Variants in PTCHD4 observed in about 807,000 individuals in gnomAD.
PTCHD4 encodes patched domain containing 4.
Under a neutral mutation model 58.1 loss-of-function variants are expected in PTCHD4, and 33 were observed. That is an observed-to-expected ratio of 0.57 (90% CI 0.43 to 0.76). The LOEUF is 0.76. Ranked by LOEUF, PTCHD4 falls within the 30% of genes least tolerant of loss-of-function variation. PTCHD4 has a pLI of 0.00. For synonymous variants in PTCHD4, 478 were observed against 409.6 expected, an observed-to-expected ratio of 1.17 and a Z score of -2.02; for missense variants, 1,058 against 1,027.1, an observed-to-expected ratio of 1.03 and a Z score of -0.41.
chr6:48,024,592 C>T (rs1763178335), intron 3 of PTCHD4, among the ~76,000 whole-genome samples: 1 of 151,936 alleles, frequency 6.6e-6, no homozygotes, highest in South Asian at 2.1e-4. Flanking sequence ...CAGAATTTAC[C>T]CTCCTTCACT....
Position 47,995,127 on chromosome 6 carries a change from G to T in PTCHD4, c.898+13507C>A, listed in dbSNP as rs185218733. 5.3e-5 allele frequency among the ~76,000 whole-genome samples: 8 copies of T among 152,216 alleles called. No homozygotes were observed. In the East Asian group the frequency reaches 1.5e-3, roughly 29 times the overall value. ...AAGTAAAATATTTATAATAAATAAA[G>T]AAAGGAGAAAGAATGTGTGGTAGTC... On this transcript the variant is annotated intron_variant, in intron 4 of 4. Transcript: ENST00000339488.
In PTCHD4 at chr6:47,860,148, T is replaced by C. The variant is rs143411547; in HGVS notation, c.*18155A>G. On this transcript the variant is annotated 3_prime_UTR_variant, in exon 5 of 5. Transcript: ENST00000339488. ...CCCTATACCCAGATTCTCTTAACTC[T>C]AAAGTATGAATCATGCAATCATTTC... Among the ~76,000 whole-genome samples the C allele has an allele frequency of 9.2e-5, 14 of 152,154 alleles. No homozygotes were observed. Among genetic ancestry groups the C allele is most frequent in the African/African-American group, 2.9e-4 (12 of 41,572 alleles).
At chr6:47,918,701 A>G (rs748112571) in intron 4 of PTCHD4, among the ~76,000 whole-genome samples, 5 of 152,168 alleles carry the variant, frequency 3.3e-5, no homozygotes, top group Non-Finnish European at 7.3e-5. Context: ...AATACTATGG[A>G]AGAGACTGTT....
At chr6:47,951,487 T>C (rs1766648772) in intron 4 of PTCHD4, among the ~76,000 whole-genome samples, 1 of 152,192 alleles carries the variant, frequency 6.6e-6, no homozygotes, top group African/African-American at 2.4e-5. Flanking sequence ...AATAAAAATA[T>C]ATCACTGCAG....
intron 4 of PTCHD4, among the ~76,000 whole-genome samples, chr6:47,937,236 C>CTG (rs1766035931): frequency 6.6e-6 from 1 of 152,132 alleles, no homozygotes; most frequent in South Asian, 2.1e-4. Flanking sequence ...CAATAATAAA[C>CTG]TGTAACAGGG....
At chr6:47,902,292 A>C (rs1239370186) in intron 4 of PTCHD4, among the ~76,000 whole-genome samples, 1 of 152,228 alleles carries the variant, frequency 6.6e-6, no homozygotes, top group African/African-American at 2.4e-5. Flanking sequence ...AGGGAGATTC[A>C]GATACATTCT....
intron 4 of PTCHD4, among the ~76,000 whole-genome samples, chr6:47,887,221 T>A (rs1368652876): frequency 6.7e-6 from 1 of 149,374 alleles, no homozygotes; most frequent in African/African-American, 2.4e-5. Context: ...TAATTTATAT[T>A]TAATATATTT....
rs745479640 is a variant in PTCHD4 at position 47,879,883 on chromosome 6, C to A, written c.952G>T (p.Glu318Ter). 1 of 1,590,310 alleles carries A rather than the reference C, an allele frequency of 6.3e-7. No homozygotes were observed. The highest frequency in any genetic ancestry group is 8.6e-7 in the Non-Finnish European group (1 of 1,167,630). ...ELLSGWRRTK[E>*]NLPFKDRIAD... ...ATCCTGTCTTTGAAGGGCAAGTTCT[C>A]TTTGGTTCTCCGCCATCCGGACAGA... is the stretch of plus-strand genomic sequence containing the variant. Residue 318 changes from glutamate (E) to a stop codon, truncating the protein, a stop_gained, in exon 5 of 5, where the codon GAG (glutamate) becomes TAG (stop). Coordinates refer to ENST00000339488, the MANE Select transcript of PTCHD4 (RefSeq NM_001384253.1). LOFTEE classifies it high-confidence loss of function.
chr6:47,979,178 G>A (rs1465000258), intron 4 of PTCHD4, among the ~76,000 whole-genome samples: 1 of 152,070 alleles, frequency 6.6e-6, no homozygotes, highest in Non-Finnish European at 1.5e-5. Flanking sequence ...GATGGTTGTG[G>A]GGATAGGGAT....
intron 4 of PTCHD4, among the ~76,000 whole-genome samples, chr6:47,888,037 C>G (rs916118031): frequency 1.3e-5 from 2 of 152,156 alleles, no homozygotes; most frequent in Non-Finnish European, 2.9e-5. Context: ...ATATTCCCAT[C>G]CCAGTACAGA....
At position 47,871,617 on chromosome 6, in the gene PTCHD4, C is replaced by T. The variant is rs1422992586; in HGVS notation, c.*6686G>A. Reference sequence around the variant, plus strand: ...ATAGGAGTGCTCATTTTACATTTTGCCTTGTCTAATTTGATAAAGTGAATG... The same window carrying T: ...ATAGGAGTGCTCATTTTACATTTTGTCTTGTCTAATTTGATAAAGTGAATG... On this transcript the variant is annotated 3_prime_UTR_variant, in exon 5 of 5. Coordinates refer to ENST00000339488, the MANE Select transcript of PTCHD4 (RefSeq NM_001384253.1). Among the ~76,000 whole-genome samples, 1 of 151,550 alleles carries T rather than the reference C, an allele frequency of 6.6e-6. No individual in the cohort carries two copies. The highest frequency in any genetic ancestry group is 2.4e-5 in the African/African-American group (1 of 41,332).
intron 1 of PTCHD4, among the ~76,000 whole-genome samples, chr6:48,087,625 T>C (rs1462582248): frequency 6.6e-6 from 1 of 152,208 alleles, no homozygotes; most frequent in Admixed American, 6.5e-5. Flanking sequence ...TCTAAGAGGA[T>C]AAATAACTTT....
chr6:48,101,512 T>C (rs1195167002), intron 1 of PTCHD4, among the ~76,000 whole-genome samples: 1 of 152,184 alleles, frequency 6.6e-6, no homozygotes, highest in African/African-American at 2.4e-5. Flanking sequence ...CAAACATGAC[T>C]CATGGGATGT....
At chr6:47,968,992 A>C (rs967818523) in intron 4 of PTCHD4, among the ~76,000 whole-genome samples, 2 of 152,312 alleles carry the variant, frequency 1.3e-5, no homozygotes, top group East Asian at 3.9e-4. Context: ...TATTAGTAAA[A>C]ATACAGTTTC....
chr6:47,900,216 C>G (rs1561946532), intron 4 of PTCHD4: 1 of 152,092 alleles, frequency 6.6e-6, no homozygotes, highest in Non-Finnish European at 1.5e-5. Context: ...GACTATTTTC[C>G]AAAAGAGCTG....
At chr6:47,912,561 T>C (rs2113869693) in intron 4 of PTCHD4, among the ~76,000 whole-genome samples, 1 of 152,288 alleles carries the variant, frequency 6.6e-6, no homozygotes, top group Non-Finnish European at 1.5e-5. Context: ...GTATTTCCAT[T>C]TCCTCAGTCT....
At chr6:47,937,716 G>A (rs1766055248) in intron 4 of PTCHD4, among the ~76,000 whole-genome samples, 1 of 152,098 alleles carries the variant, frequency 6.6e-6, no homozygotes, top group Non-Finnish European at 1.5e-5. Context: ...GAGATGAATG[G>A]ATATGGAAAA....
chr6:48,020,232 A>G (rs1418852348), intron 3 of PTCHD4, among the ~76,000 whole-genome samples: 1 of 152,086 alleles, frequency 6.6e-6, no homozygotes, highest in Non-Finnish European at 1.5e-5. Flanking sequence ...GCTTTGTCTA[A>G]GGCAAGACTT....
intron 3 of PTCHD4, among the ~76,000 whole-genome samples, chr6:48,058,802 G>C (rs934669828): frequency 6.6e-6 from 1 of 152,208 alleles, no homozygotes; most frequent in Admixed American, 6.5e-5. Flanking sequence ...CCTTAGCAAA[G>C]AGAGGTCACA....
Sources: gnomAD v4.1 joint callset for allele counts (sites outside exome capture counted in the v4.1 genomes callset) on GRCh38, gnomAD v4.1.1 for gene constraint, MANE v1.5 for transcripts, NCBI Gene and HGNC (gene_info 2026-07-23, HGNC 2026-07-21) for gene names.